Variants in WDR55 observed in about 807,000 individuals in gnomAD.
The protein encoded by WDR55 is WD repeat-containing protein 55.
A neutral mutation model predicts 34.0 loss-of-function variants in WDR55; 31 were observed. The ratio of observed to expected loss-of-function variants is 0.91; its 90% CI spans 0.69 to 1.23. The LOEUF (loss-of-function observed/expected upper bound fraction) is 1.23. WDR55 is among the 50% of genes most tolerant of loss of function. WDR55 has a pLI of 0.00. For synonymous variants in WDR55, 164 were observed against 185.9 expected (o/e 0.88, Z 0.96); for missense variants, 440 against 494.6 (o/e 0.89, Z 1.05).
At chr5:140,667,023 C>A (rs1757940919) in intron 1 of WDR55, 4 of 985,380 alleles carry the variant, frequency 4.1e-6, no homozygotes, top group Non-Finnish European at 4.8e-6. Context: ...GTGTTAACTT[C>A]TGTATTTTCA....
intron 1 of WDR55, among the ~76,000 whole-genome samples, chr5:140,666,170 G>A (rs1161830859): frequency 1.3e-5 from 2 of 151,994 alleles, no homozygotes; most frequent in Non-Finnish European, 2.9e-5. Context: ...ACCAAGGTGG[G>A]GTATCACCTG....
At chr5:140,667,134 A>G (rs1757944245) in intron 1 of WDR55, 2 of 985,416 alleles carry the variant, frequency 2.0e-6, no homozygotes, top group Middle Eastern at 5.2e-4. Context: ...TTCTACTACT[A>G]TCCATATTTA....
chr5:140,665,078 G>C lies in WDR55; in HGVS notation c.166G>C (p.Gly56Arg). The stretch of plus-strand genomic sequence containing the variant: ...TCCGGCCCGTGACCTACTGGCTGCA[G>C]GGGACGTGGACGGGGACGTGTTCGT... ...FHPARDLLAA[G>R]DVDGDVFVFS... Residue 56 changes from glycine (G) to arginine (R), a missense_variant, in exon 1 of 7, where the codon GGG becomes CGG. Gly to Arg is a moderately radical substitution (Grantham distance 125). Coordinates refer to ENST00000358337, the MANE Select transcript of WDR55 (RefSeq NM_017706.5). The C allele has an allele frequency of 1.9e-6, 3 of 1,607,330 alleles. No homozygotes were observed. Among genetic ancestry groups the C allele is most frequent in the Non-Finnish European group, 2.6e-6 (3 of 1,175,748 alleles).
chr5:140,669,480 G>A lies in WDR55; in HGVS notation c.978G>A (p.Gln326=). ...DQRLKFWDMA[Q]LRAVVVDDYR... ...GCCTCAAGTTTTGGGACATGGCCCA[G>A]CTGCGAGCTGTGGTGGTGGATGACT... is the stretch of plus-strand genomic sequence containing the variant. Residue 326 remains glutamine, a synonymous_variant, in exon 7 of 7, where the codon CAG becomes CAA. Transcript: ENST00000358337. 2 of 1,614,174 alleles carry A rather than the reference G, an allele frequency of 1.2e-6. No individual in the cohort carries two copies. Among genetic ancestry groups the A allele is most frequent in the Non-Finnish European group, 1.7e-6 (2 of 1,180,014 alleles).
intron 1 of WDR55, among the ~76,000 whole-genome samples, chr5:140,666,138 T>C (rs1757917405): frequency 1.3e-5 from 2 of 152,186 alleles, no homozygotes; most frequent in Non-Finnish European, 2.9e-5. Context: ...GGCTCATGCC[T>C]GTAATCCCAG....
At position 140,671,682 on chromosome 5, in the gene WDR55, G is replaced by A. The variant is rs770100890; in HGVS notation, c.*2028G>A. On this transcript the variant is annotated 3_prime_UTR_variant, in exon 7 of 7. Transcript: ENST00000358337. Reference sequence around the variant, plus strand: ...AAGAAGGGACCCACAAGCTGCTGGCGAAGTCGCTGCTTCAGGTCTGGCTTG... The same window carrying A: ...AAGAAGGGACCCACAAGCTGCTGGCAAAGTCGCTGCTTCAGGTCTGGCTTG... 2.5e-5 allele frequency: 40 copies of A among 1,584,978 alleles called. No individual in the cohort carries two copies. Among genetic ancestry groups the A allele is most frequent in the East Asian group, 1.8e-4 (8 of 43,932 alleles).
At chr5:140,665,956 G>A (rs554107112) in intron 1 of WDR55, among the ~76,000 whole-genome samples, 24 of 152,034 alleles carry the variant, frequency 1.6e-4, no homozygotes, top group African/African-American at 5.3e-4. Flanking sequence ...AGCCAAGATC[G>A]TGCCACTGCA....
intron 2 of WDR55, 38 bp from the exon 3 acceptor site, chr5:140,668,377 C>T (rs373304228): frequency 1.1e-5 from 17 of 1,614,086 alleles, no homozygotes; most frequent in Admixed American, 1.7e-5. Context: ...TGGAAGGGAG[C>T]AGTGAGCAGC....
Position 140,672,170 on chromosome 5 carries a change from C to G in WDR55, c.*2516C>G, listed in dbSNP as rs1758097477. ...AGCAAATCAATTTCTCTAACAGTTT[C>G]CTCATAGCTTGAGGGTCCTGTGCCT... On this transcript the variant is annotated 3_prime_UTR_variant, in exon 7 of 7. Coordinates refer to ENST00000358337, the MANE Select transcript of WDR55 (RefSeq NM_017706.5). The G allele has an allele frequency of 1.8e-6, 1 of 570,762 alleles. No individual in the cohort carries two copies. The highest frequency in any genetic ancestry group is 3.0e-5 in the East Asian group (1 of 33,806). 35.4% of individuals were successfully genotyped at this position (570,762 alleles called of 1,614,324 possible).
In WDR55 at chr5:140,669,515, G is replaced by A. The variant is rs367668945; in HGVS notation, c.1013G>A (p.Arg338His). Residue 338 changes from arginine (R) to histidine (H), a missense_variant, in exon 7 of 7, where the codon CGC becomes CAC. Coordinates refer to ENST00000358337, the MANE Select transcript of WDR55 (RefSeq NM_017706.5). ...RAVVVDDYRR[R>H]KKKGGPLRAL... Reference sequence around the variant, plus strand: ...GTGGTGGTGGATGACTACCGTCGGCGCAAAAAAAAGGGAGGACCACTGCGG... The same window carrying A: ...GTGGTGGTGGATGACTACCGTCGGCACAAAAAAAAGGGAGGACCACTGCGG... The A allele has an allele frequency of 1.0e-4, 161 of 1,613,486 alleles. 1 individual carries two copies. The highest frequency in any genetic ancestry group is 1.3e-4 in the South Asian group (12 of 91,040).
chr5:140,671,874 A>G lies in WDR55; in HGVS notation c.*2220A>G. On this transcript the variant is annotated 3_prime_UTR_variant, in exon 7 of 7. Transcript: ENST00000358337. ...CTTCCCATTTCCTGGTAGTGTGACC[A>G]TGGGTAAGAAAAGACAATGAAGCCT... The G allele has an allele frequency of 1.8e-6, 2 of 1,108,122 alleles. No homozygotes were observed. The highest frequency in any genetic ancestry group is 2.6e-5 in the East Asian group (1 of 38,712). 68.6% of individuals were successfully genotyped at this position (1,108,122 alleles called of 1,614,324 possible).
At position 140,671,816 on chromosome 5, in the gene WDR55, C is replaced by T. The variant is rs1310522801; in HGVS notation, c.*2162C>T. The T allele has an allele frequency of 6.6e-7, 1 of 1,505,868 alleles. No homozygotes were observed. Among genetic ancestry groups the T allele is most frequent in the Non-Finnish European group, 9.0e-7 (1 of 1,106,392 alleles). The allele number at this position is 1,505,868 out of a possible 1,614,324, so 93.3% of individuals were successfully genotyped here. On this transcript the variant is annotated 3_prime_UTR_variant, in exon 7 of 7. Coordinates refer to ENST00000358337, the MANE Select transcript of WDR55 (RefSeq NM_017706.5). ...GGGCCCAAGCCTCCAGGTGGTGAGCCCTTTGGAGCTACACAGTCCTGTTAT... is the reference window on the plus strand; with the variant it reads ...GGGCCCAAGCCTCCAGGTGGTGAGCTCTTTGGAGCTACACAGTCCTGTTAT...
At chr5:140,665,558 AC>A (rs1364668653) in intron 1 of WDR55, among the ~76,000 whole-genome samples, 1 of 150,330 alleles carries the variant, frequency 6.7e-6, no homozygotes, top group Non-Finnish European at 1.5e-5. Context: ...ACGGGGTTTC[AC>A]CATCTTGGCC....
chr5:140,665,029 T>C lies in WDR55; in HGVS notation c.117T>C (p.Ala39=), dbSNP rs1757882817. ...CTCCGGAAGACATCGTGCTGGAAGC[T>C]CCGGCTAGTGGGCTGGCGTTCCATC... is the stretch of plus-strand genomic sequence containing the variant. ...RDTPEDIVLE[A]PASGLAFHPA... The change falls in exon 1 of 7, where the codon GCT becomes GCC. Residue 39 remains alanine (A), a synonymous_variant. Coordinates refer to ENST00000358337, the MANE Select transcript of WDR55 (RefSeq NM_017706.5). The C allele has an allele frequency of 6.2e-7, 1 of 1,613,732 alleles. No individual in the cohort carries two copies. The highest frequency in any genetic ancestry group is 8.5e-7 in the Non-Finnish European group (1 of 1,179,860).
At position 140,672,197 on chromosome 5, in the gene WDR55, T is replaced by C; in HGVS notation, c.*2543T>C. The C allele has an allele frequency of 1.7e-6, 1 of 581,566 alleles. No homozygotes were observed. The highest frequency in any genetic ancestry group is 2.1e-5 in the South Asian group (1 of 48,300). The allele number at this position is 581,566 out of a possible 1,614,324, so 36.0% of individuals were successfully genotyped here. On this transcript the variant is annotated 3_prime_UTR_variant, in exon 7 of 7. Transcript: ENST00000358337. The stretch of plus-strand genomic sequence containing the variant: ...TCATAGCTTGAGGGTCCTGTGCCTA[T>C]TTTGCGGTGTGGGGGTGGGGGAAGG...
Position 140,672,035 on chromosome 5 carries a change from G to GT in WDR55, c.*2382dup. 1 of 575,674 alleles carries GT rather than the reference G, an allele frequency of 1.7e-6. No homozygotes were observed. The highest frequency in any genetic ancestry group is 3.1e-6 in the Non-Finnish European group (1 of 322,606). 35.7% of individuals were successfully genotyped at this position (575,674 alleles called of 1,614,324 possible). ...CTAATCTTTACTGGGAAAACTTGCT[G>GT]TAAGTCAGTCAGTGTGCTAAGTACC... On this transcript the variant is annotated 3_prime_UTR_variant, in exon 7 of 7. Coordinates refer to ENST00000358337, the MANE Select transcript of WDR55 (RefSeq NM_017706.5).
rs1310894256 is a variant in WDR55, at chr5:140,668,711, C to A, written c.480C>A (p.Pro160=). Residue 160 remains proline (P), a synonymous_variant, in exon 4 of 7, where the codon CCC becomes CCA. Coordinates refer to ENST00000358337, the MANE Select transcript of WDR55 (RefSeq NM_017706.5). ...TCTGGGACCAGCGGAAGGAGGGCCC[C>A]TTAATGGATATGAGGCAACATGAAG... The part of the protein sequence containing the change: ...ICLWDQRKEG[P]LMDMRQHEEY... 1 of 1,614,184 alleles carries A rather than the reference C, an allele frequency of 6.2e-7. No individual in the cohort carries two copies. The highest frequency in any genetic ancestry group is 8.5e-7 in the Non-Finnish European group (1 of 1,180,026).
rs1017032265 is a variant in WDR55, at chr5:140,672,093, A to G, written c.*2439A>G. The G allele has an allele frequency of 3.7e-6, 2 of 543,000 alleles. No individual in the cohort carries two copies. The highest frequency in any genetic ancestry group is 6.6e-6 in the Non-Finnish European group (2 of 302,158). 33.6% of individuals were successfully genotyped at this position (543,000 alleles called of 1,614,324 possible). On this transcript the variant is annotated 3_prime_UTR_variant, in exon 7 of 7. Coordinates refer to ENST00000358337, the MANE Select transcript of WDR55 (RefSeq NM_017706.5). ...CATTATGTTACTTAATTCTCATAAC[A>G]GTCTGAGGAAACAGATTCTATAGTA...
Position 140,671,127 on chromosome 5 carries a change from G to A in WDR55, c.*1473G>A. 1 of 849,718 alleles carries A rather than the reference G, an allele frequency of 1.2e-6. No homozygotes were observed. Among genetic ancestry groups the A allele is most frequent in the Non-Finnish European group, 1.9e-6 (1 of 534,018 alleles). 52.6% of individuals were successfully genotyped at this position (849,718 alleles called of 1,614,324 possible). On this transcript the variant is annotated 3_prime_UTR_variant, in exon 7 of 7. Coordinates refer to ENST00000358337, the MANE Select transcript of WDR55 (RefSeq NM_017706.5). The stretch of plus-strand genomic sequence containing the variant: ...CCACAACTTAACCCAAACCTAAGCT[G>A]CCCCCAGGTGCCATAGGTCCCTGTC...
Sources: gnomAD v4.1 joint callset for allele counts (sites outside exome capture counted in the v4.1 genomes callset) on GRCh38, gnomAD v4.1.1 for gene constraint, MANE v1.5 for transcripts, NCBI Gene and HGNC (gene_info 2026-07-23, HGNC 2026-07-21) for gene names.